The following EYA2 variants were observed in gnomAD, a reference collection of about 807,000 sequenced individuals.
The protein encoded by EYA2 is EYA transcriptional coactivator and phosphatase 2, also known as protein phosphatase EYA2.
A neutral mutation model predicts 69.2 loss-of-function variants in EYA2; 31 were observed. That is an observed-to-expected ratio of 0.45 (90% CI 0.34 to 0.60). EYA2 has a LOEUF of 0.60. Ranked by LOEUF, EYA2 falls within the 20% of genes least tolerant of loss-of-function variation. The pLI, the probability that EYA2 is intolerant of heterozygous loss-of-function variation, is 0.02. For missense variants in EYA2, 622 were observed against 701.2 expected, an observed-to-expected ratio of 0.89 and a Z score of 1.28; for synonymous variants, 257 against 279.4, an observed-to-expected ratio of 0.92 and a Z score of 0.80.
chr20:46,919,107 C>T (rs1985062173), intron 1 of EYA2, among the ~76,000 whole-genome samples: 1 of 152,202 alleles, frequency 6.6e-6, no homozygotes, highest in Admixed American at 6.5e-5. Context: ...GTCATCCCGG[C>T]TTTATGTTAT....
Position 47,181,073 on chromosome 20 carries a change from CA to C in EYA2, c.1435+141del, listed in dbSNP as rs374518742. On this transcript the variant is annotated intron_variant, in intron 14 of 15. Coordinates refer to ENST00000327619, the MANE Select transcript of EYA2 (RefSeq NM_005244.5). ...TGCCTATGGCCATGACTCAGATTCC[CA>C]AAACAGCCCCCATAGACCACATGCC... The C allele has an allele frequency of 2.2e-5, 27 of 1,228,294 alleles. No individual in the cohort carries two copies. The African/African-American group carries it at 3.9e-4, about 18-fold the overall frequency. The allele number at this position is 1,228,294 out of a possible 1,614,324, so 76.1% of individuals were successfully genotyped here.
chr20:47,157,168 A>G (rs2033968529), intron 10 of EYA2, among the ~76,000 whole-genome samples: 1 of 151,710 alleles, frequency 6.6e-6, no homozygotes, highest in Non-Finnish European at 1.5e-5. Context: ...CAGACTGGCC[A>G]AGATGGTGAA....
chr20:47,099,837 T>C (rs1262262603), intron 9 of EYA2, among the ~76,000 whole-genome samples: 1 of 147,730 alleles, frequency 6.8e-6, no homozygotes, highest in Non-Finnish European at 1.5e-5. Flanking sequence ...TTTTATTTTA[T>C]GTCTTCCTTC....
intron 4 of EYA2, among the ~76,000 whole-genome samples, chr20:47,015,098 T>C (rs1038843815): frequency 6.6e-6 from 1 of 152,240 alleles, no homozygotes; most frequent in Admixed American, 6.5e-5. Context: ...AGTTTGCATA[T>C]GCACAGAACC....
At chr20:47,137,892 A>G (rs1308365512) in intron 9 of EYA2, among the ~76,000 whole-genome samples, 2 of 152,066 alleles carry the variant, frequency 1.3e-5, no homozygotes, top group African/African-American at 4.8e-5. Context: ...CGCAAGAACA[A>G]AAAACTAAAC....
chr20:47,186,697 C>T (rs2034650248), intron 15 of EYA2, among the ~76,000 whole-genome samples: 1 of 152,148 alleles, frequency 6.6e-6, no homozygotes, highest in South Asian at 2.1e-4. Context: ...TCATGCGCTT[C>T]TTGTCCCCTG....
chr20:46,967,621 C>G (rs775308885), intron 1 of EYA2, among the ~76,000 whole-genome samples: 64 of 152,168 alleles, frequency 4.2e-4, no homozygotes, highest in South Asian at 1.9e-3. Context: ...CCCAAGGTGC[C>G]AAGGAGCTTG....
At chr20:47,135,842 C>CAAA (rs1266669397) in intron 9 of EYA2, among the ~76,000 whole-genome samples, 1 of 54,026 alleles carries the variant, frequency 1.9e-5, no homozygotes, top group Non-Finnish European at 2.9e-5. Flanking sequence ...AAAAAAAAAA[C>CAAA]AAACAAACAA....
intron 2 of EYA2, among the ~76,000 whole-genome samples, chr20:46,993,745 G>A (rs1981839215): frequency 6.6e-6 from 1 of 152,172 alleles, no homozygotes; most frequent in African/African-American, 2.4e-5. Flanking sequence ...AAAAGGCAGG[G>A]GAGGAGCATG....
chr20:47,092,171 A>G (rs2146510246), intron 8 of EYA2, among the ~76,000 whole-genome samples: 1 of 152,142 alleles, frequency 6.6e-6, no homozygotes, highest in East Asian at 1.9e-4. Flanking sequence ...GTCGGTTCTG[A>G]TCACCCTGGA....
intron 1 of EYA2, among the ~76,000 whole-genome samples, chr20:46,987,727 G>A (rs916726625): frequency 2.0e-5 from 3 of 151,934 alleles, no homozygotes; most frequent in Admixed American, 1.3e-4. Flanking sequence ...AGGAGTTCAA[G>A]GCCAGCCTGG....
At chr20:47,144,485 G>T (rs2033663622) in intron 10 of EYA2, among the ~76,000 whole-genome samples, 4 of 152,132 alleles carry the variant, frequency 2.6e-5, no homozygotes, top group African/African-American at 9.7e-5. Context: ...AACTGAAGTA[G>T]AAATATAAAG....
chr20:46,971,641 G>A (rs13041757), intron 1 of EYA2, among the ~76,000 whole-genome samples: 52,220 of 152,156 alleles, frequency 0.34, 10,546 homozygotes, highest in Non-Finnish European at 0.45. Context: ...TCTCTACCAC[G>A]GTGTACTCAA....
At chr20:47,181,243 A>G (rs1056995835) in intron 14 of EYA2, among the ~76,000 whole-genome samples, 2 of 152,230 alleles carry the variant, frequency 1.3e-5, no homozygotes, top group Non-Finnish European at 2.9e-5. Flanking sequence ...TCTCCCTAGT[A>G]GAACAGACAG....
intron 1 of EYA2, among the ~76,000 whole-genome samples, chr20:46,966,363 G>A (rs1273004848): frequency 2.0e-5 from 3 of 152,166 alleles, no homozygotes; most frequent in African/African-American, 7.2e-5. Context: ...CTAAGCACAG[G>A]GATAGAGCAG....
intron 5 of EYA2, among the ~76,000 whole-genome samples, chr20:47,036,925 A>G (rs1984751614): frequency 6.6e-6 from 1 of 152,216 alleles, no homozygotes; most frequent in Admixed American, 6.5e-5. Flanking sequence ...TGATGGGTGT[A>G]TTAGTTTGTT....
intron 1 of EYA2, among the ~76,000 whole-genome samples, chr20:46,941,040 C>A (rs1419966991): frequency 6.6e-6 from 1 of 152,234 alleles, no homozygotes; most frequent in East Asian, 1.9e-4. Flanking sequence ...GCAAGAGGCC[C>A]CATCTTCCCA....
chr20:47,044,838 T>G (rs2029949660), intron 5 of EYA2, among the ~76,000 whole-genome samples: 1 of 152,218 alleles, frequency 6.6e-6, no homozygotes, highest in Non-Finnish European at 1.5e-5. Flanking sequence ...AACCTAGTTC[T>G]AAATCCAGGA....
chr20:47,071,899 G>A (rs965412911), intron 5 of EYA2: 2 of 417,672 alleles, frequency 4.8e-6, no homozygotes, highest in Non-Finnish European at 8.9e-6. Context: ...CAGAGACTTA[G>A]GGGTCACGTG....
Sources: gnomAD v4.1 joint callset for allele counts (sites outside exome capture counted in the v4.1 genomes callset) on GRCh38, gnomAD v4.1.1 for gene constraint, MANE v1.5 for transcripts, NCBI Gene and HGNC (gene_info 2026-07-23, HGNC 2026-07-21) for gene names.